Variants in NGEF observed in about 807,000 individuals in gnomAD.
The protein encoded by NGEF is neuronal guanine nucleotide exchange factor.
In NGEF, 31 loss-of-function variants were observed where a neutral mutation model predicts 80.9. That is an observed-to-expected ratio of 0.38 (90% CI 0.29 to 0.52). NGEF has a LOEUF of 0.52. Ranked by LOEUF, NGEF falls within the 20% of genes least tolerant of loss-of-function variation. The pLI, the probability that NGEF is intolerant of heterozygous loss-of-function variation, is 0.84. For missense variants in NGEF, 709 were observed against 926.2 expected, an observed-to-expected ratio of 0.77 and a Z score of 3.04; for synonymous variants, 371 against 370.2, an observed-to-expected ratio of 1.00 and a Z score of -0.03.
intron 1 of NGEF, among the ~76,000 whole-genome samples, chr2:232,991,036 C>A (rs1324667359): frequency 7.9e-6 from 1 of 125,790 alleles, no homozygotes; most frequent in African/African-American, 5.9e-5. Flanking sequence ...ATTCAACAAC[C>A]CTTCATAATA....
chr2:232,910,748 GCTT>G (rs1267952736), intron 5 of NGEF, among the ~76,000 whole-genome samples: 1 of 152,192 alleles, frequency 6.6e-6, no homozygotes, highest in Non-Finnish European at 1.5e-5. Flanking sequence ...TGATTTTAAA[GCTT>G]TTTTAAGCAA....
In NGEF at chr2:232,934,959, G is replaced by A. The variant is rs186426017; in HGVS notation, c.384-7773C>T. On this transcript the variant is annotated intron_variant, in intron 3 of 14. Coordinates refer to ENST00000264051, the MANE Select transcript of NGEF (RefSeq NM_019850.3). Reference sequence around the variant, plus strand: ...GGAGGTGAAGGTTGAAGTATGCCAAGATCGCACTACTGCACTCCAGCCTGG... The same window carrying A: ...GGAGGTGAAGGTTGAAGTATGCCAAAATCGCACTACTGCACTCCAGCCTGG... 1.7e-4 allele frequency among the ~76,000 whole-genome samples: 25 copies of A among 151,416 alleles called. No individual in the cohort carries two copies. The East Asian group carries it at 4.7e-3, about 28-fold the overall frequency.
intron 4 of NGEF, among the ~76,000 whole-genome samples, chr2:232,922,726 C>T (rs997446767): frequency 7.2e-5 from 11 of 152,218 alleles, no homozygotes; most frequent in African/African-American, 2.2e-4. Context: ...CATAGTGCAG[C>T]GTCTCCTACA....
chr2:232,949,669 G>A (rs1693639889), intron 3 of NGEF, among the ~76,000 whole-genome samples: 2 of 151,414 alleles, frequency 1.3e-5, no homozygotes, highest in African/African-American at 4.9e-5. Flanking sequence ...AGTAGAGATG[G>A]GGTTTCTCCG....
chr2:232,967,188 T>C (rs1448603044), intron 3 of NGEF, among the ~76,000 whole-genome samples: 2 of 152,128 alleles, frequency 1.3e-5, no homozygotes, highest in Non-Finnish European at 2.9e-5. Flanking sequence ...CCCACTCCCT[T>C]GCTCCTGCTC....
rs757020546 is a variant in NGEF at position 232,884,065 on chromosome 2, C to T, written c.1517G>A (p.Arg506Gln). The T allele has an allele frequency of 3.1e-6, 5 of 1,613,032 alleles. No homozygotes were observed. Among genetic ancestry groups the T allele is most frequent in the Non-Finnish European group, 2.5e-6 (3 of 1,179,722 alleles). Reference sequence around the variant, plus strand: ...GAAGAGCTTCTTGGTCCTCAGGGTCCGGGAGGTCTTGGGGCCTGACATCTG... The same window carrying T: ...GAAGAGCTTCTTGGTCCTCAGGGTCTGGGAGGTCTTGGGGCCTGACATCTG... ...LQQMSGPKTS[R>Q]TLRTKKLFHE... Residue 506 changes from arginine to glutamine, a missense_variant, in exon 11 of 15, where the codon CGG (arginine) becomes CAG (glutamine). Physicochemically the swap from Arg to Gln is conservative, Grantham distance 43. Transcript: ENST00000264051.
At chr2:233,010,139 C>T (rs573805439) in intron 1 of NGEF, among the ~76,000 whole-genome samples, 18 of 152,214 alleles carry the variant, frequency 1.2e-4, no homozygotes, top group Non-Finnish European at 2.4e-4. Flanking sequence ...GTAATCCATG[C>T]GCCTCAGCCT....
intron 3 of NGEF, among the ~76,000 whole-genome samples, chr2:232,954,105 C>G (rs1693741831): frequency 6.6e-6 from 1 of 152,124 alleles, no homozygotes; most frequent in Admixed American, 6.6e-5. Context: ...GTCAGGGCTG[C>G]AGTGTCAGGC....
chr2:232,966,635 G>A (rs1045859329), intron 3 of NGEF, among the ~76,000 whole-genome samples: 5 of 151,952 alleles, frequency 3.3e-5, no homozygotes, highest in African/African-American at 1.2e-4. Flanking sequence ...ACAAAACCCA[G>A]TAGCCAGCCC....
At chr2:232,926,572 G>A (rs1186813901) in intron 4 of NGEF, among the ~76,000 whole-genome samples, 1 of 151,910 alleles carries the variant, frequency 6.6e-6, no homozygotes, top group African/African-American at 2.4e-5. Flanking sequence ...GTTGGCCACC[G>A]CCTCCTCTTC....
chr2:232,975,060 G>T, intron 1 of NGEF, 96 bp from the exon 2 acceptor site: 3 of 652,570 alleles, frequency 4.6e-6, no homozygotes, highest in Non-Finnish European at 7.6e-6. Flanking sequence ...TTGATGAAAC[G>T]TGGGATAATC....
intron 6 of NGEF, among the ~76,000 whole-genome samples, chr2:232,893,363 G>A (rs376675348): frequency 3.3e-5 from 5 of 152,224 alleles, no homozygotes; most frequent in African/African-American, 1.2e-4. Flanking sequence ...GGTCCCCTGG[G>A]GGGTAGGGAC....
chr2:232,898,723 C>T (rs1692173711), intron 5 of NGEF, among the ~76,000 whole-genome samples: 1 of 152,360 alleles, frequency 6.6e-6, no homozygotes, highest in African/African-American at 2.4e-5. Flanking sequence ...GAGCACCAGG[C>T]ACTGGTCTAG....
chr2:232,934,037 AT>A (rs1166108778), intron 3 of NGEF, among the ~76,000 whole-genome samples: 1 of 152,120 alleles, frequency 6.6e-6, no homozygotes, highest in East Asian at 1.9e-4. Context: ...AGGTCAGGAG[AT>A]TGAGACCATC....
chr2:233,013,186 T>C lies in NGEF; in HGVS notation c.-193A>G, dbSNP rs1460552372. 1 of 471,184 alleles carries C rather than the reference T, an allele frequency of 2.1e-6. No individual in the cohort carries two copies. Among genetic ancestry groups the C allele is most frequent in the South Asian group, 1.5e-5 (1 of 64,566 alleles). The allele number at this position is 471,184 out of a possible 1,614,324, so 29.2% of individuals were successfully genotyped here. On this transcript the variant is annotated 5_prime_UTR_variant, in exon 1 of 15. Coordinates refer to ENST00000264051, the MANE Select transcript of NGEF (RefSeq NM_019850.3). ...TGTCCCCGGCTAAATCCACAGGCGCTCCACTCTGTCCCAGAGAGCCCACAG... is the reference window on the plus strand; with the variant it reads ...TGTCCCCGGCTAAATCCACAGGCGCCCCACTCTGTCCCAGAGAGCCCACAG...
chr2:232,959,072 C>G (rs1693891666), intron 3 of NGEF, among the ~76,000 whole-genome samples: 1 of 152,156 alleles, frequency 6.6e-6, no homozygotes, highest in South Asian at 2.1e-4. Context: ...TCAAACACCC[C>G]CTCCCCACAG....
chr2:232,968,939 C>T (rs1290276964), intron 3 of NGEF, among the ~76,000 whole-genome samples: 2 of 152,202 alleles, frequency 1.3e-5, no homozygotes, highest in Non-Finnish European at 2.9e-5. Context: ...GTCACCTTGA[C>T]AGATGACAGA....
At chr2:232,943,817 G>A (rs1264343692) in intron 3 of NGEF, among the ~76,000 whole-genome samples, 1 of 151,904 alleles carries the variant, frequency 6.6e-6, no homozygotes, top group East Asian at 1.9e-4. Context: ...CATTTTCAAG[G>A]TTGAAATCTC....
chr2:232,999,191 C>T (rs544133498), intron 1 of NGEF, among the ~76,000 whole-genome samples: 20 of 152,308 alleles, frequency 1.3e-4, no homozygotes, highest in Non-Finnish European at 2.9e-5. Context: ...CTCACCATGG[C>T]AATCCTCCCA....
Sources: gnomAD v4.1 joint callset for allele counts (sites outside exome capture counted in the v4.1 genomes callset) on GRCh38, gnomAD v4.1.1 for gene constraint, MANE v1.5 for transcripts, NCBI Gene and HGNC (gene_info 2026-07-23, HGNC 2026-07-21) for gene names.